The following BRINP3 variants were observed in gnomAD, a reference collection of about 807,000 sequenced individuals.
BRINP3 encodes BMP/retinoic acid-inducible neural-specific protein 3.
Under a neutral mutation model 71.0 loss-of-function variants are expected in BRINP3, and 19 were observed. The observed-to-expected ratio is 0.27, with a 90% CI of 0.19 to 0.39. The LOEUF (loss-of-function observed/expected upper bound fraction) is 0.39, where lower values mean the gene tolerates loss of function less well. Among genes scored for constraint, BRINP3 ranks in the 10% least tolerant of loss-of-function variants. BRINP3 has a pLI of 1.00. For missense variants in BRINP3, 959 were observed against 940.8 expected (o/e 1.02, Z -0.25); for synonymous variants, 380 against 337.7 (o/e 1.13, Z -1.37).
intron 6 of BRINP3, among the ~76,000 whole-genome samples, chr1:190,196,029 C>G (rs2102591936): frequency 6.6e-6 from 1 of 152,208 alleles, no homozygotes; most frequent in East Asian, 1.9e-4. Context: ...GCTTTTTGAG[C>G]TAGATTGTAT....
intron 2 of BRINP3, among the ~76,000 whole-genome samples, chr1:190,348,063 A>G (rs1279511869): frequency 6.6e-6 from 1 of 152,132 alleles, no homozygotes; most frequent in Non-Finnish European, 1.5e-5. Context: ...GCAAAGTATT[A>G]CTCACTTCAC....
At chr1:190,295,705 T>G (rs2102980430) in intron 2 of BRINP3, among the ~76,000 whole-genome samples, 1 of 152,116 alleles carries the variant, frequency 6.6e-6, no homozygotes, top group South Asian at 2.1e-4. Context: ...CCCTGCCCTG[T>G]GTTGTATTCC....
chr1:190,384,929 TC>T lies in BRINP3; in HGVS notation c.236+69725del, dbSNP rs538348131. Among the ~76,000 whole-genome samples the T allele has an allele frequency of 3.6e-3, 554 of 152,108 alleles. 4 individuals carry two copies. The highest frequency in any genetic ancestry group is 6.1e-3 in the Non-Finnish European group (412 of 67,982). The stretch of plus-strand genomic sequence containing the variant: ...AAATAATGCCACATATCTACAACTA[TC>T]TGATCTTTGACAAACCTGACAAAAA... On this transcript the variant is annotated intron_variant, in intron 2 of 7. Coordinates refer to ENST00000367462, the MANE Select transcript of BRINP3 (RefSeq NM_199051.3).
At chr1:190,419,989 C>T (rs180925506) in intron 2 of BRINP3, among the ~76,000 whole-genome samples, 310 of 151,908 alleles carry the variant, frequency 2.0e-3, no homozygotes, top group Non-Finnish European at 3.8e-3. Context: ...TGTTTGCAAG[C>T]AAGCCAAATT....
At chr1:190,470,347 A>G (rs1026718367) in intron 1 of BRINP3, among the ~76,000 whole-genome samples, 1 of 151,064 alleles carries the variant, frequency 6.6e-6, no homozygotes, top group Non-Finnish European at 1.5e-5. Flanking sequence ...GAGAACTATA[A>G]TAAATTCTAA....
chr1:190,388,020 T>C (rs572523418), intron 2 of BRINP3, among the ~76,000 whole-genome samples: 1 of 151,930 alleles, frequency 6.6e-6, no homozygotes. Flanking sequence ...ATATGTACAT[T>C]AATTAATAAT....
chr1:190,337,868 A>ATTG (rs372440917), intron 2 of BRINP3, among the ~76,000 whole-genome samples: 2,355 of 151,820 alleles, frequency 0.016, 55 homozygotes, highest in African/African-American at 0.053. Context: ...CTTGGGTTTT[A>ATTG]TTGTTGTTGT....
chr1:190,099,274 G>T, intron 7 of BRINP3, 140 bp from the exon 8 acceptor site: 1 of 771,692 alleles, frequency 1.3e-6, no homozygotes, highest in Non-Finnish European at 2.0e-6. Context: ...AAGATTCATA[G>T]AGCTCATAAT....
intron 4 of BRINP3, among the ~76,000 whole-genome samples, chr1:190,249,989 C>A (rs1376433373): frequency 1.3e-5 from 2 of 151,772 alleles, no homozygotes; most frequent in African/African-American, 4.8e-5. Context: ...AGATTTCTGT[C>A]TAAATTAGAT....
chr1:190,341,712 A>G (rs988654554), intron 2 of BRINP3, among the ~76,000 whole-genome samples: 21 of 151,800 alleles, frequency 1.4e-4, no homozygotes, highest in Non-Finnish European at 2.9e-5. Context: ...TCAAAGTTCC[A>G]TAGTTGAAAA....
At chr1:190,134,659 A>T (rs773448422) in intron 7 of BRINP3, among the ~76,000 whole-genome samples, 3 of 152,162 alleles carry the variant, frequency 2.0e-5, no homozygotes, top group Admixed American at 1.3e-4. Context: ...CAAGTGGGTT[A>T]GATGAGGGAC....
intron 2 of BRINP3, among the ~76,000 whole-genome samples, chr1:190,430,497 C>T (rs954119609): frequency 2.0e-5 from 3 of 152,108 alleles, no homozygotes; most frequent in South Asian, 2.1e-4. Context: ...AAGATTTATA[C>T]AAGGGGCTCA....
intron 6 of BRINP3, among the ~76,000 whole-genome samples, chr1:190,188,638 A>T (rs997050522): frequency 6.6e-6 from 1 of 152,030 alleles, no homozygotes; most frequent in Non-Finnish European, 1.5e-5. Context: ...TGTTCAGCTA[A>T]TGTATTGTAT....
intron 5 of BRINP3, among the ~76,000 whole-genome samples, chr1:190,229,645 A>C (rs866369035): frequency 2.2e-5 from 3 of 133,412 alleles, no homozygotes; most frequent in South Asian, 2.5e-4. Flanking sequence ...AACAAAACAA[A>C]ACACACACAC....
intron 2 of BRINP3, among the ~76,000 whole-genome samples, chr1:190,447,515 ACAC>A (rs1259864665): frequency 1.4e-5 from 2 of 147,312 alleles, no homozygotes; most frequent in Non-Finnish European, 3.0e-5. Context: ...ATATGTACAA[ACAC>A]CACTTTTGCA....
chr1:190,104,992 T>G (rs530655669), intron 7 of BRINP3, among the ~76,000 whole-genome samples: 1 of 152,224 alleles, frequency 6.6e-6, no homozygotes, highest in Non-Finnish European at 1.5e-5. Context: ...CCTTCATAGA[T>G]TTGTTATTCT....
chr1:190,230,736 A>C (rs1450412902), intron 5 of BRINP3, among the ~76,000 whole-genome samples: 1 of 151,632 alleles, frequency 6.6e-6, no homozygotes, highest in Non-Finnish European at 1.5e-5. Flanking sequence ...ACATCTTCTC[A>C]AGTGGAAAAA....
chr1:190,129,546 TAAG>T (rs1359193017), intron 7 of BRINP3, among the ~76,000 whole-genome samples: 1 of 151,958 alleles, frequency 6.6e-6, no homozygotes, highest in African/African-American at 2.4e-5. Flanking sequence ...TTCTGAACAC[TAAG>T]GACAATAAGC....
chr1:190,205,882 T>A (rs1004420597), intron 6 of BRINP3, among the ~76,000 whole-genome samples: 10 of 152,022 alleles, frequency 6.6e-5, no homozygotes, highest in African/African-American at 2.4e-4. Flanking sequence ...GAGTCACACA[T>A]GCTTTAAGAA....
Sources: allele counts gnomAD v4.1 joint callset (sites outside exome capture counted in the v4.1 genomes callset), GRCh38; gene constraint gnomAD v4.1.1; transcripts MANE v1.5; gene names NCBI Gene and HGNC (gene_info 2026-07-23, HGNC 2026-07-21).